Variants in ERICH6B observed in about 807,000 individuals in gnomAD.
The protein encoded by ERICH6B is glutamate-rich protein 6B.
Under a neutral mutation model 80.0 loss-of-function variants are expected in ERICH6B, and 69 were observed. The observed-to-expected ratio is 0.86, with a 90% CI of 0.71 to 1.05. ERICH6B has a LOEUF of 1.05. ERICH6B is among the 50% of genes least tolerant of loss of function. The pLI, the probability that ERICH6B is intolerant of heterozygous loss-of-function variation, is 0.00. For synonymous variants in ERICH6B, 283 were observed against 291.9 expected, an observed-to-expected ratio of 0.97 and a Z score of 0.31; for missense variants, 754 against 796.1, an observed-to-expected ratio of 0.95 and a Z score of 0.64.
At chr13:45,557,449 T>C (rs979001217) in intron 11 of ERICH6B, among the ~76,000 whole-genome samples, 1 of 152,228 alleles carries the variant, frequency 6.6e-6, no homozygotes, top group African/African-American at 2.4e-5. Flanking sequence ...GTCCCAGCTA[T>C]TTATCTTGGT....
intron 1 of ERICH6B, among the ~76,000 whole-genome samples, chr13:45,615,032 T>C (rs1323764072): frequency 1.3e-5 from 2 of 152,250 alleles, no homozygotes; most frequent in Non-Finnish European, 2.9e-5. Context: ...AGGACCTTTT[T>C]TATAAATAGA....
chr13:45,611,868 C>T (rs1438567968), intron 1 of ERICH6B, among the ~76,000 whole-genome samples: 4 of 152,324 alleles, frequency 2.6e-5, no homozygotes, highest in African/African-American at 7.2e-5. Flanking sequence ...TAGCATGAAT[C>T]GAATGGCACA....
intron 2 of ERICH6B, among the ~76,000 whole-genome samples, chr13:45,607,107 T>C (rs2138037478): frequency 6.6e-6 from 1 of 152,342 alleles, no homozygotes; most frequent in East Asian, 1.9e-4. Context: ...GCAGCAAACA[T>C]GTAAACTTTT....
At chr13:45,601,505 GC>G (rs1043282663) in intron 2 of ERICH6B, among the ~76,000 whole-genome samples, 5 of 152,130 alleles carry the variant, frequency 3.3e-5, no homozygotes, top group Non-Finnish European at 5.9e-5. Flanking sequence ...ACAGGCACTG[GC>G]CACTCCATCA....
chr13:45,593,440 C>A (rs1391801484), intron 3 of ERICH6B, among the ~76,000 whole-genome samples: 1 of 152,180 alleles, frequency 6.6e-6, no homozygotes, highest in African/African-American at 2.4e-5. Context: ...TAATGGCTAA[C>A]ACTTGCTTAG....
intron 11 of ERICH6B, among the ~76,000 whole-genome samples, chr13:45,559,805 T>C (rs1224608161): frequency 6.6e-6 from 1 of 152,222 alleles, no homozygotes; most frequent in Non-Finnish European, 1.5e-5. Context: ...ACTTGTTTTG[T>C]GGCTTATCAT....
rs1405483837 is a variant in ERICH6B at position 45,596,579 on chromosome 13, C to T, written c.427G>A (p.Glu143Lys). 1 of 1,546,546 alleles carries T rather than the reference C, an allele frequency of 6.5e-7. No homozygotes were observed. Among genetic ancestry groups the T allele is most frequent in the East Asian group, 2.4e-5 (1 of 40,842 alleles). The stretch of plus-strand genomic sequence containing the variant: ...TAATCTTCCTTCTCCAGATACCCTT[C>T]CTTCCCCAGATACTCTTCCTCCTCC... ...HLEEEEYLGKEGYLEKEDYIE... is the reference protein window; with the variant it reads ...HLEEEEYLGKKGYLEKEDYIE... Residue 143 changes from glutamate (E) to lysine (K), a missense_variant, in exon 3 of 15, where the codon GAA becomes AAA. Physicochemically the swap from Glu to Lys is moderately conservative, Grantham distance 56. Coordinates refer to ENST00000298738, the MANE Select transcript of ERICH6B (RefSeq NM_182542.3).
intron 3 of ERICH6B, among the ~76,000 whole-genome samples, chr13:45,593,362 G>A (rs1192401897): frequency 6.6e-6 from 1 of 152,090 alleles, no homozygotes; most frequent in South Asian, 2.1e-4. Context: ...ATGTGGCTAG[G>A]GGTGTGTGGC....
intron 5 of ERICH6B, among the ~76,000 whole-genome samples, chr13:45,582,726 T>G (rs760777691): frequency 2.0e-5 from 3 of 152,242 alleles, no homozygotes; most frequent in Non-Finnish European, 4.4e-5. Context: ...TTATTAGTGA[T>G]GACATCATCT....
chr13:45,606,505 GTATATATATATATATA>G lies in ERICH6B; in HGVS notation c.-59+1043_-59+1058del, dbSNP rs58856558. Among the ~76,000 whole-genome samples the G allele has an allele frequency of 7.3e-4, 21 of 28,694 alleles. No individual in the cohort carries two copies. The South Asian group carries it at 0.014, about 19-fold the overall frequency. The allele number at this position is 28,694 out of a possible 152,430, so 18.8% of individuals were successfully genotyped here. A position where few individuals can be genotyped will look rare whatever the true frequency, so the allele number is the denominator to read the frequency against. On this transcript the variant is annotated intron_variant, in intron 2 of 14. Coordinates refer to ENST00000298738, the MANE Select transcript of ERICH6B (RefSeq NM_182542.3). Reference sequence around the variant, plus strand: ...TGGCTGAGATCCCAAAAGTGTATGTGTATATATATATATATATATATATATATATATATATATATAT... The same window carrying G: ...TGGCTGAGATCCCAAAAGTGTATGTGTATATATATATATATATATATATAT...
At chr13:45,595,920 C>A (rs765867825) in intron 3 of ERICH6B, among the ~76,000 whole-genome samples, 1 of 152,096 alleles carries the variant, frequency 6.6e-6, no homozygotes, top group Non-Finnish European at 1.5e-5. Context: ...GCTGGGATTG[C>A]AGGTGTGAGC....
At chr13:45,566,276 A>AAAGAAAATCCTATTTTCTGAG (rs1164947636) in intron 9 of ERICH6B, among the ~76,000 whole-genome samples, 1 of 152,274 alleles carries the variant, frequency 6.6e-6, no homozygotes, top group African/African-American at 2.4e-5. Flanking sequence ...ATGCAATAGA[A>AAAGAAAATCCTATTTTCTGAG]AAGAAAATCC....
chr13:45,614,278 G>C (rs1173648167), intron 1 of ERICH6B, among the ~76,000 whole-genome samples: 2 of 152,160 alleles, frequency 1.3e-5, no homozygotes, highest in South Asian at 2.1e-4. Context: ...CGTCTGGGAA[G>C]ACACACAAGC....
chr13:45,558,828 G>C (rs1302653046), intron 11 of ERICH6B, among the ~76,000 whole-genome samples: 2 of 152,154 alleles, frequency 1.3e-5, no homozygotes, highest in Non-Finnish European at 2.9e-5. Flanking sequence ...ATTGGATTCG[G>C]TTAGTTAGTA....
intron 11 of ERICH6B, among the ~76,000 whole-genome samples, chr13:45,554,788 G>A (rs1196414257): frequency 6.6e-6 from 1 of 152,248 alleles, no homozygotes; most frequent in Non-Finnish European, 1.5e-5. Flanking sequence ...CTGTGCCAGA[G>A]CTGTTCTGGG....
At chr13:45,612,342 C>T (rs1298089566) in intron 1 of ERICH6B, among the ~76,000 whole-genome samples, 1 of 152,160 alleles carries the variant, frequency 6.6e-6, no homozygotes, top group East Asian at 1.9e-4. Context: ...TATAGATAGT[C>T]TTCAAGAAAG....
chr13:45,568,105 T>C (rs1874997530), intron 9 of ERICH6B, among the ~76,000 whole-genome samples: 1 of 152,244 alleles, frequency 6.6e-6, no homozygotes, highest in Admixed American at 6.5e-5. Context: ...TTGAGTTTGA[T>C]TTTGGTCTGG....
intron 12 of ERICH6B, 61 bp downstream of exon 12, chr13:45,550,170 T>TGTCTATGGCACCC (rs1874160353): frequency 1.3e-6 from 2 of 1,537,602 alleles, no homozygotes; most frequent in African/African-American, 2.8e-5. Flanking sequence ...CCATAAAAAA[T>TGTCTATGGCACCC]CGTAGACATT....
intron 11 of ERICH6B, chr13:45,553,128 T>C: frequency 2.8e-6 from 1 of 359,570 alleles, no homozygotes; most frequent in Non-Finnish European, 5.5e-6. Flanking sequence ...CTGGTATTTG[T>C]GCAGCCATAT....
Sources: allele counts gnomAD v4.1 joint callset (sites outside exome capture counted in the v4.1 genomes callset), GRCh38; gene constraint gnomAD v4.1.1; transcripts MANE v1.5; gene names NCBI Gene and HGNC (gene_info 2026-07-23, HGNC 2026-07-21).